The following REV3L variants were observed in gnomAD, a reference collection of about 807,000 sequenced individuals.
The protein encoded by REV3L is DNA polymerase zeta catalytic subunit.
A neutral mutation model predicts 299.4 loss-of-function variants in REV3L; 69 were observed. That is an observed-to-expected ratio of 0.23 (90% CI 0.19 to 0.28). REV3L has a LOEUF of 0.28. REV3L is among the 10% of genes least tolerant of loss of function. REV3L has a pLI of 1.00. For missense variants in REV3L, 3,128 were observed against 3,693.8 expected, an observed-to-expected ratio of 0.85 and a Z score of 3.97; for synonymous variants, 1,238 against 1,271.4, an observed-to-expected ratio of 0.97 and a Z score of 0.56.
chr6:111,331,628 C>T, intron 24 of REV3L, 48 bp downstream of exon 24: 1 of 1,335,882 alleles, frequency 7.5e-7, no homozygotes, highest in Non-Finnish European at 1.1e-6. Context: ...ATCAGCTCTC[C>T]AAAAGTTAAG....
chr6:111,320,001 T>C (rs1773963772), intron 26 of REV3L, among the ~76,000 whole-genome samples: 1 of 150,616 alleles, frequency 6.6e-6, no homozygotes. Context: ...AGCTAATTTT[T>C]TTAATTTTTA....
intron 31 of REV3L, among the ~76,000 whole-genome samples, chr6:111,302,577 C>A (rs1771697249): frequency 6.6e-6 from 1 of 152,110 alleles, no homozygotes; most frequent in Non-Finnish European, 1.5e-5. Context: ...AATCTTTATT[C>A]TTTTTACTAT....
chr6:111,412,805 G>A (rs951508444), intron 2 of REV3L, among the ~76,000 whole-genome samples: 2 of 151,098 alleles, frequency 1.3e-5, no homozygotes, highest in African/African-American at 4.9e-5. Context: ...AGGTCTAAAG[G>A]GTTCCTCATC....
rs1194304340 is a variant in REV3L, at chr6:111,422,609, TATACAC to T, written c.140-6143_140-6138del. ...ATATATATATACACATATATATATA[TATACAC>T]ATATATATATATATACACATATATA... On this transcript the variant is annotated intron_variant, in intron 1 of 31. Coordinates refer to ENST00000368802, the MANE Select transcript of REV3L (RefSeq NM_001372078.1). Among the ~76,000 whole-genome samples, 46 of 19,336 alleles carry T rather than the reference TATACAC, an allele frequency of 2.4e-3. 1 individual carries two copies. Among genetic ancestry groups the T allele is most frequent in the Non-Finnish European group, 4.2e-3 (34 of 8,014 alleles). 12.7% of individuals were successfully genotyped at this position (19,336 alleles called of 152,430 possible). A position where few individuals can be genotyped will look rare whatever the true frequency, so the allele number is the denominator to read the frequency against.
rs1327415071 is a variant in REV3L at position 111,376,018 on chromosome 6, A to C, written c.2337T>G (p.Phe779Leu). 4 of 1,613,796 alleles carry C rather than the reference A, an allele frequency of 2.5e-6. No homozygotes were observed. The South Asian group carries it at 4.4e-5, about 18-fold the overall frequency. The change falls in exon 13 of 32, where the codon TTT (phenylalanine) becomes TTG (leucine). Residue 779 changes from phenylalanine (F) to leucine (L), a missense_variant. This residue lies in a region of REV3L where 2,409 missense variants were observed against 2,611.8 expected (regional missense o/e 0.92). Coordinates refer to ENST00000368802, the MANE Select transcript of REV3L (RefSeq NM_001372078.1). ...LNKLKIRYEE[F>L]QEHKTEKPSL... is the part of the protein sequence containing the mutation. The stretch of plus-strand genomic sequence containing the variant: ...TTGGCTTTTCTGTTTTATGTTCTTG[A>C]AATTCTTCATACCTAATTTTAAGTT...
chr6:111,350,477 TG>T (rs1393410465), intron 19 of REV3L, among the ~76,000 whole-genome samples: 3 of 150,198 alleles, frequency 2.0e-5, no homozygotes, highest in East Asian at 3.9e-4. Context: ...AAAAAGATAT[TG>T]AAAAAAAAAA....
rs543620522 is a variant in REV3L, at chr6:111,323,783, C to T, written c.8242-1105G>A. Reference sequence around the variant, plus strand: ...GAGCATTCCTTTTGCAATTTTAAAACGCAAACTGCACATTTTTTTTTGTTA... The same window carrying T: ...GAGCATTCCTTTTGCAATTTTAAAATGCAAACTGCACATTTTTTTTTGTTA... On this transcript the variant is annotated intron_variant, in intron 25 of 31. Transcript: ENST00000368802. Among the ~76,000 whole-genome samples, 8 of 152,142 alleles carry T rather than the reference C, an allele frequency of 5.3e-5. No individual in the cohort carries two copies. In the East Asian group the frequency reaches 7.7e-4, roughly 15 times the overall value.
At chr6:111,410,046 C>T (rs1224527439) in intron 3 of REV3L, among the ~76,000 whole-genome samples, 4 of 152,114 alleles carry the variant, frequency 2.6e-5, no homozygotes, top group Admixed American at 6.5e-5. Flanking sequence ...ATTTATTAAA[C>T]ATGCATAAAC....
chr6:111,457,583 C>T (rs1233175945), intron 1 of REV3L, among the ~76,000 whole-genome samples: 1 of 151,158 alleles, frequency 6.6e-6, no homozygotes, highest in African/African-American at 2.4e-5. Context: ...ATAATTGATG[C>T]TTCAGGAACA....
chr6:111,392,918 A>C lies in REV3L; in HGVS notation c.620T>G (p.Leu207Arg). The C allele has an allele frequency of 6.2e-7, 1 of 1,613,136 alleles. No individual in the cohort carries two copies. ...SCKNHLSGNS[L>R]ADTLFRWEQD... Reference sequence around the variant, plus strand: ...TTCCCACCGAAATAAAGTATCAGCAAGAGAATTTCCTGATAAATGATTCTT... The same window carrying C: ...TTCCCACCGAAATAAAGTATCAGCACGAGAATTTCCTGATAAATGATTCTT... The change falls in exon 5 of 32, where the codon CTT becomes CGT. Residue 207 changes from leucine (L) to arginine (R), a missense_variant. Leu to Arg is a moderately radical substitution (Grantham distance 102). This residue lies in a region of REV3L where 2,409 missense variants were observed against 2,611.8 expected (regional missense o/e 0.92). Coordinates refer to ENST00000368802, the MANE Select transcript of REV3L (RefSeq NM_001372078.1).
At chr6:111,476,528 T>C (rs1792962817) in intron 1 of REV3L, among the ~76,000 whole-genome samples, 2 of 152,180 alleles carry the variant, frequency 1.3e-5, no homozygotes, top group African/African-American at 4.8e-5. Context: ...ATCATGTTGG[T>C]GTTCAAAACA....
chr6:111,444,483 T>C (rs1788615577), intron 1 of REV3L, among the ~76,000 whole-genome samples: 1 of 151,992 alleles, frequency 6.6e-6, no homozygotes, highest in Non-Finnish European at 1.5e-5. Context: ...TAACCACAAA[T>C]GATCAGTATC....
rs142607446 is a variant in REV3L at position 111,401,279 on chromosome 6, G to C, written c.565+4191C>G. On this transcript the variant is annotated intron_variant, in intron 4 of 31. Coordinates refer to ENST00000368802, the MANE Select transcript of REV3L (RefSeq NM_001372078.1). ...AAATAATACAACCTTCACAAAGATG[G>C]GAGAAATTGGTGGACAGTTGTCTCT... 3.5e-3 allele frequency among the ~76,000 whole-genome samples: 533 copies of C among 152,232 alleles called. 3 individuals carry two copies. The highest frequency in any genetic ancestry group is 0.012 in the African/African-American group (515 of 41,550).
chr6:111,380,259 C>CTTTT, intron 10 of REV3L, 40 bp from the exon 11 acceptor site: 1 of 1,165,110 alleles, frequency 8.6e-7, no homozygotes, highest in Non-Finnish European at 1.2e-6. Context: ...AATAAGTTTT[C>CTTTT]TTTTTTTTTT....
At chr6:111,422,691 T>TAC (rs1365612683) in intron 1 of REV3L, among the ~76,000 whole-genome samples, 2 of 126,856 alleles carry the variant, frequency 1.6e-5, no homozygotes, top group East Asian at 4.3e-4. Context: ...TATATATATA[T>TAC]ATATATATAT....
At chr6:111,391,065 TA>T (rs370589328) in intron 5 of REV3L, among the ~76,000 whole-genome samples, 2 of 150,826 alleles carry the variant, frequency 1.3e-5, no homozygotes, top group Non-Finnish European at 3.0e-5. Flanking sequence ...AACACTTTGG[TA>T]TTTTTTTTTT....
At position 111,374,653 on chromosome 6, in the gene REV3L, C is replaced by T. The variant is rs143381783; in HGVS notation, c.3702G>A (p.Gln1234=). The change falls in exon 13 of 32, where the codon CAG becomes CAA. Residue 1234 remains glutamine (Q), a synonymous_variant. Coordinates refer to ENST00000368802, the MANE Select transcript of REV3L (RefSeq NM_001372078.1). ...TTLKDEKIKS[Q]SGAEVKFVLK... Reference sequence around the variant, plus strand: ...GTACAAACTTAACCTCAGCACCAGACTGAGATTTTATTTTTTCATCCTTAA... The same window carrying T: ...GTACAAACTTAACCTCAGCACCAGATTGAGATTTTATTTTTTCATCCTTAA... The T allele has an allele frequency of 1.3e-5, 21 of 1,613,576 alleles. No homozygotes were observed. The South Asian group carries it at 1.9e-4, about 14-fold the overall frequency.
intron 1 of REV3L, among the ~76,000 whole-genome samples, chr6:111,437,661 G>T (rs960989739): frequency 1.3e-5 from 2 of 152,020 alleles, no homozygotes; most frequent in Admixed American, 6.6e-5. Flanking sequence ...AGAAAGAAAG[G>T]AGATTAATGG....
At position 111,438,935 on chromosome 6, in the gene REV3L, A is replaced by AC. The variant is rs397886512; in HGVS notation, c.140-22464dup. ...TTTAATGTATTAAAAGACAAAAAAA[A>AC]CAGTCAATTTTTTAGTGGTTACCCT... On this transcript the variant is annotated intron_variant, in intron 1 of 31. Coordinates refer to ENST00000368802, the MANE Select transcript of REV3L (RefSeq NM_001372078.1). Among the ~76,000 whole-genome samples the AC allele has an allele frequency of 5.3e-5, 8 of 152,094 alleles. No individual in the cohort carries two copies. In the South Asian group the frequency reaches 1.2e-3, roughly 24 times the overall value.
Sources: allele counts gnomAD v4.1 joint callset (sites outside exome capture counted in the v4.1 genomes callset), GRCh38; gene constraint gnomAD v4.1.1; regional missense constraint gnomAD v4.1.1; transcripts MANE v1.5; gene names NCBI Gene and HGNC (gene_info 2026-07-23, HGNC 2026-07-21).